Variants in EHMT1 observed in about 807,000 individuals in gnomAD.
EHMT1 encodes the protein euchromatic histone lysine methyltransferase 1, also known as histone-lysine N-methyltransferase EHMT1.
EHMT1 carries 15 observed loss-of-function variants against 147.2 expected under a neutral mutation model. The ratio of observed to expected loss-of-function variants is 0.10; its 90% confidence interval spans 0.07 to 0.16. The LOEUF is 0.16. Among genes scored for constraint, EHMT1 ranks in the 10% least tolerant of loss-of-function variants. The pLI is 1.00. For missense variants in EHMT1, 1,587 were observed against 1,772.4 expected (o/e 0.90, Z 1.88); for synonymous variants, 795 against 709.6 (o/e 1.12, Z -1.91).
rs957943895 is a variant in EHMT1 at position 137,776,967 on chromosome 9, A to G, written c.2018+123A>G. 1.1e-6 allele frequency: 1 copy of G among 891,412 alleles called. No individual in the cohort carries two copies. The highest frequency in any genetic ancestry group is 1.7e-5 in the African/African-American group (1 of 59,200). 55.2% of individuals were successfully genotyped at this position (891,412 alleles called of 1,614,324 possible). The stretch of plus-strand genomic sequence containing the variant: ...AGTCTCTGAGCTGATGCTGATGCTT[A>G]TGGTGATTTCTGACATTTAAGACTC... On this transcript the variant is annotated intron_variant, in intron 12 of 26. Transcript: ENST00000460843. This position sits in a 1 kb window ranked among gnomAD's most constrained non-coding sequence, Gnocchi z 4.4.
intron 25 of EHMT1, among the ~76,000 whole-genome samples, chr9:137,823,124 A>G (rs1057266394): frequency 7.6e-5 from 7 of 91,694 alleles, no homozygotes; most frequent in East Asian, 3.4e-4. Context: ...TTTGAGACGG[A>G]GTCTCACTCT....
intron 9 of EHMT1, 32 bp from the exon 10 acceptor site, chr9:137,762,643 G>T (rs1564713826): frequency 6.2e-7 from 1 of 1,614,016 alleles, no homozygotes; most frequent in Non-Finnish European, 8.5e-7. Context: ...GGTCAGGATT[G>T]CATGAGCTGA....
intron 15 of EHMT1, among the ~76,000 whole-genome samples, chr9:137,783,319 T>C (rs950144887): frequency 1.3e-5 from 2 of 152,246 alleles, no homozygotes; most frequent in Non-Finnish European, 2.9e-5. Context: ...TCTTGTCTTT[T>C]GGTTCTGCCT....
Position 137,835,165 on chromosome 9 carries a change from C to A in EHMT1, c.*212C>A. The A allele has an allele frequency of 2.0e-6, 1 of 491,216 alleles. No individual in the cohort carries two copies. Among genetic ancestry groups the A allele is most frequent in the Non-Finnish European group, 3.3e-6 (1 of 301,388 alleles). 30.4% of individuals were successfully genotyped at this position (491,216 alleles called of 1,614,324 possible). A position where few individuals can be genotyped will look rare whatever the true frequency, so the allele number is the denominator to read the frequency against. On this transcript the variant is annotated 3_prime_UTR_variant, in exon 27 of 27. Coordinates refer to ENST00000460843, the MANE Select transcript of EHMT1 (RefSeq NM_024757.5). Reference sequence around the variant, plus strand: ...CAGACCTGCGGCCTCACCGCGGGCCCAGTGCCCAGGCTGGAGCGCACACTT... The same window carrying A: ...CAGACCTGCGGCCTCACCGCGGGCCAAGTGCCCAGGCTGGAGCGCACACTT...
chr9:137,622,291 G>C (rs962788844), intron 1 of EHMT1, among the ~76,000 whole-genome samples: 2 of 151,854 alleles, frequency 1.3e-5, no homozygotes, highest in East Asian at 1.9e-4. Context: ...GCTAATTTTT[G>C]TGTTTTCAGT....
chr9:137,740,895 C>G (rs112906928), intron 4 of EHMT1, among the ~76,000 whole-genome samples: 1 of 151,906 alleles, frequency 6.6e-6, no homozygotes, highest in African/African-American at 2.4e-5. Context: ...CTCTGCCTCC[C>G]GGGTTCAAGT....
At chr9:137,641,994 C>G (rs1844523966) in intron 1 of EHMT1, among the ~76,000 whole-genome samples, 1 of 152,092 alleles carries the variant, frequency 6.6e-6, no homozygotes, top group South Asian at 2.1e-4. Context: ...CACCCACCAC[C>G]ATGCCTGGCT....
intron 1 of EHMT1, among the ~76,000 whole-genome samples, chr9:137,677,872 T>TA (rs1941523073): frequency 6.7e-6 from 1 of 149,110 alleles, no homozygotes; most frequent in South Asian, 2.1e-4. Flanking sequence ...TCCTGGCTAA[T>TA]ACGGTGAAAC....
chr9:137,770,071 A>G (rs1950494697), intron 10 of EHMT1, among the ~76,000 whole-genome samples: 1 of 152,152 alleles, frequency 6.6e-6, no homozygotes, highest in South Asian at 2.1e-4. Flanking sequence ...TCCTGAGCTC[A>G]GGTGATCCGC....
chr9:137,673,274 C>T (rs1940887940), intron 1 of EHMT1, among the ~76,000 whole-genome samples: 1 of 152,256 alleles, frequency 6.6e-6, no homozygotes, highest in East Asian at 1.9e-4. Context: ...ACCAAGTCCC[C>T]AGGGGTTTGT....
intron 6 of EHMT1, 22 bp downstream of exon 6, chr9:137,744,112 G>A (rs1421001129): frequency 1.2e-6 from 2 of 1,613,326 alleles, no homozygotes; most frequent in Non-Finnish European, 1.7e-6. Context: ...TGTCTTGGGT[G>A]ACAGCACAAG....
rs757380936 is a variant in EHMT1 at position 137,744,024 on chromosome 9, C to T, written c.1104C>T (p.Ala368=). The T allele has an allele frequency of 9.9e-6, 16 of 1,613,980 alleles. No homozygotes were observed. The highest frequency in any genetic ancestry group is 5.5e-5 in the South Asian group (5 of 91,080). ...ACGGCCATGGTGCAGAGCAGGCGGC[C>T]GCGTTCCCCACAGAGGACAGCAGGA... The part of the protein sequence containing the change: ...EDDGHGAEQA[A]AFPTEDSRTS... Residue 368 remains alanine, a synonymous_variant, in exon 6 of 27, where the codon GCC becomes GCT. Transcript: ENST00000460843.
intron 1 of EHMT1, among the ~76,000 whole-genome samples, chr9:137,685,052 C>A (rs891400332): frequency 1.3e-5 from 2 of 152,024 alleles, no homozygotes; most frequent in African/African-American, 4.8e-5. Context: ...ACCTCTAAAT[C>A]TTTTTTCCCC....
chr9:137,834,172 G>A, intron 25 of EHMT1, 177 bp from the exon 26 acceptor site: 1 of 797,290 alleles, frequency 1.3e-6, no homozygotes, highest in South Asian at 1.8e-5. Flanking sequence ...CACACAGCGA[G>A]GAGAAGGCTG....
intron 1 of EHMT1, among the ~76,000 whole-genome samples, chr9:137,702,756 A>G (rs541581141): frequency 6.6e-6 from 1 of 152,272 alleles, no homozygotes; most frequent in East Asian, 1.9e-4. Context: ...CACATTTCCC[A>G]TCCACACTGC....
intron 1 of EHMT1, among the ~76,000 whole-genome samples, chr9:137,709,026 A>G (rs755158246): frequency 4.6e-5 from 7 of 152,260 alleles, no homozygotes; most frequent in Non-Finnish European, 7.3e-5. Flanking sequence ...GAGCCCCCCA[A>G]GTGCCTGCTG....
At chr9:137,790,285 A>C (rs889100511) in intron 15 of EHMT1, among the ~76,000 whole-genome samples, 4 of 152,206 alleles carry the variant, frequency 2.6e-5, no homozygotes, top group African/African-American at 9.6e-5. Flanking sequence ...CACACAACCA[A>C]TTTTAAAGTC....
At chr9:137,803,034 C>T in intron 18 of EHMT1, 1 of 1,231,278 alleles carries the variant, frequency 8.1e-7, no homozygotes, top group Non-Finnish European at 1.0e-6. Flanking sequence ...ACCCACCGCC[C>T]CCGGAGACTG....
intron 1 of EHMT1, among the ~76,000 whole-genome samples, chr9:137,635,597 G>T (rs1362922436): frequency 6.6e-6 from 1 of 151,418 alleles, no homozygotes; most frequent in Non-Finnish European, 1.5e-5. Flanking sequence ...GAGGTGGGTG[G>T]ATCACGAGGT....
Sources: allele counts gnomAD v4.1 joint callset (sites outside exome capture counted in the v4.1 genomes callset), GRCh38; gene constraint gnomAD v4.1.1; non-coding constraint Gnocchi (gnomAD v3.1); transcripts MANE v1.5; gene names NCBI Gene and HGNC (gene_info 2026-07-23, HGNC 2026-07-21).